Variants in NTM observed in about 807,000 individuals in gnomAD.
The protein encoded by NTM is neurotrimin.
NTM carries 13 observed loss-of-function variants against 42.1 expected under a neutral mutation model. The observed-to-expected ratio is 0.31, with a 90% CI of 0.20 to 0.49. The LOEUF is 0.49. NTM is among the 20% of genes least tolerant of loss of function. The pLI, the probability that NTM is intolerant of heterozygous loss-of-function variation, is 0.99. For synonymous variants in NTM, 187 were observed against 179.2 expected, an observed-to-expected ratio of 1.04 and a Z score of -0.35; for missense variants, 373 against 452.8, an observed-to-expected ratio of 0.82 and a Z score of 1.60.
chr11:132,095,013 A>G (rs2060790562), intron 2 of NTM, among the ~76,000 whole-genome samples: 2 of 152,312 alleles, frequency 1.3e-5, no homozygotes, highest in South Asian at 4.1e-4. Flanking sequence ...GGGAGAGGAC[A>G]AACAGAGATG....
intron 1 of NTM, among the ~76,000 whole-genome samples, chr11:131,505,358 A>G (rs1215862395): frequency 6.6e-6 from 1 of 152,210 alleles, no homozygotes; most frequent in Non-Finnish European, 1.5e-5. Flanking sequence ...TGTAAGACTT[A>G]ATGACTTTGA....
chr11:131,405,567 T>C (rs1945721583), intron 1 of NTM, among the ~76,000 whole-genome samples: 1 of 152,212 alleles, frequency 6.6e-6, no homozygotes, highest in Non-Finnish European at 1.5e-5. Flanking sequence ...AATACCTTCA[T>C]GAAAGGCACC....
intron 1 of NTM, chr11:131,769,624 G>T (rs2085708806): frequency 2.1e-6 from 2 of 972,550 alleles, no homozygotes; most frequent in Admixed American, 1.2e-4. Context: ...ACACAATCCT[G>T]CCTGTGGAGC....
At chr11:131,742,364 G>C (rs916302454) in intron 1 of NTM, among the ~76,000 whole-genome samples, 2 of 151,920 alleles carry the variant, frequency 1.3e-5, no homozygotes, top group African/African-American at 2.4e-5. Flanking sequence ...TTCATTGCTC[G>C]TGTTGGAATT....
At chr11:131,919,534 G>T (rs1015793258) in intron 2 of NTM, among the ~76,000 whole-genome samples, 3 of 152,126 alleles carry the variant, frequency 2.0e-5, no homozygotes, top group Non-Finnish European at 4.4e-5. Flanking sequence ...ACCAGGAGGG[G>T]TAGGCTAGAA....
chr11:131,902,851 C>G (rs1433031504), intron 1 of NTM, among the ~76,000 whole-genome samples: 2 of 152,178 alleles, frequency 1.3e-5, no homozygotes, highest in Non-Finnish European at 2.9e-5. Flanking sequence ...CGGCACTTAG[C>G]CTTTTATATA....
At chr11:131,407,436 C>A (rs1416727237) in intron 1 of NTM, among the ~76,000 whole-genome samples, 1 of 152,148 alleles carries the variant, frequency 6.6e-6, no homozygotes. Context: ...ATAGCAGCAT[C>A]CAGTCTGCAG....
chr11:131,492,611 GC>G (rs976937245), intron 1 of NTM, among the ~76,000 whole-genome samples: 5 of 152,138 alleles, frequency 3.3e-5, no homozygotes, highest in Non-Finnish European at 5.9e-5. Flanking sequence ...ACAGGACTTG[GC>G]CCTTCCGATG....
intron 1 of NTM, among the ~76,000 whole-genome samples, chr11:131,509,891 T>C (rs955727926): frequency 3.9e-5 from 6 of 152,144 alleles, no homozygotes; most frequent in South Asian, 2.1e-4. Context: ...AATAAGATGA[T>C]GCCAATTTTC....
At chr11:132,227,528 C>G (rs2086571775) in intron 4 of NTM, among the ~76,000 whole-genome samples, 1 of 151,370 alleles carries the variant, frequency 6.6e-6, no homozygotes, top group Non-Finnish European at 1.5e-5. Flanking sequence ...GCCTAATATC[C>G]CTTGGTCCTT....
chr11:131,429,688 C>A (rs73022166), intron 1 of NTM, among the ~76,000 whole-genome samples: 1 of 152,256 alleles, frequency 6.6e-6, no homozygotes, highest in Non-Finnish European at 1.5e-5. Flanking sequence ...CTGGGGGTCT[C>A]TCGTGCAAAC....
chr11:131,660,587 T>A (rs187057516), intron 1 of NTM: 5 of 457,598 alleles, frequency 1.1e-5, no homozygotes, highest in Non-Finnish European at 1.8e-5. Context: ...CCTCGAAACC[T>A]TGCTGCCCAC....
intron 1 of NTM, among the ~76,000 whole-genome samples, chr11:131,496,684 T>C (rs1338278213): frequency 1.3e-5 from 2 of 152,242 alleles, no homozygotes; most frequent in African/African-American, 4.8e-5. Context: ...ATTTAGCTTG[T>C]TCCAGTTCAA....
In NTM at chr11:131,393,594, A is replaced by G. The variant is rs529362988; in HGVS notation, c.82+22706A>G. On this transcript the variant is annotated intron_variant, in intron 1 of 8. Coordinates refer to ENST00000683400, the MANE Select transcript of NTM (RefSeq NM_001352005.2). ...TTTCCTGGCCCCGTGCCCTCCTCCT[A>G]CTGCCCCCACCACCACCTCCCAGGG... is the stretch of plus-strand genomic sequence containing the variant. Among the ~76,000 whole-genome samples, 48 of 152,050 alleles carry G rather than the reference A, an allele frequency of 3.2e-4. 1 individual carries two copies. The South Asian group carries it at 9.6e-3, about 30-fold the overall frequency.
chr11:132,211,780 C>T, intron 3 of NTM: 1 of 337,396 alleles, frequency 3.0e-6, no homozygotes, highest in Non-Finnish European at 5.5e-6. Context: ...ACAGCTATTC[C>T]AGTGTTGCAG....
chr11:132,167,682 C>G (rs536865025), intron 3 of NTM, among the ~76,000 whole-genome samples: 2 of 152,152 alleles, frequency 1.3e-5, no homozygotes, highest in African/African-American at 4.8e-5. Flanking sequence ...CACAATAACT[C>G]AAAATAATGT....
chr11:131,955,393 G>A (rs1565818705), intron 2 of NTM, among the ~76,000 whole-genome samples: 1 of 152,138 alleles, frequency 6.6e-6, no homozygotes, highest in Admixed American at 6.5e-5. Context: ...TGGGCTCTGG[G>A]AAGTGGCACT....
intron 1 of NTM, among the ~76,000 whole-genome samples, chr11:131,405,958 A>G (rs1283257342): frequency 1.3e-5 from 2 of 152,080 alleles, no homozygotes; most frequent in Non-Finnish European, 1.5e-5. Context: ...GCATTCCACA[A>G]TTCAACTCTC....
chr11:132,055,351 G>C (rs910504030), intron 2 of NTM, among the ~76,000 whole-genome samples: 2 of 152,262 alleles, frequency 1.3e-5, no homozygotes, highest in East Asian at 3.9e-4. Context: ...CAGGGCTGAG[G>C]CTGGCACTTG....
Sources: gnomAD v4.1 joint callset for allele counts (sites outside exome capture counted in the v4.1 genomes callset) on GRCh38, gnomAD v4.1.1 for gene constraint, MANE v1.5 for transcripts, NCBI Gene and HGNC (gene_info 2026-07-23, HGNC 2026-07-21) for gene names.